Variants in COL22A1 observed in about 807,000 individuals in gnomAD.
The protein encoded by COL22A1 is collagen type XXII alpha 1 chain.
COL22A1 carries 221 observed loss-of-function variants against 248.9 expected under a neutral mutation model. The observed-to-expected ratio is 0.89, with a 90% confidence interval of 0.80 to 0.99. The LOEUF (loss-of-function observed/expected upper bound fraction) is 0.99, where lower values mean the gene tolerates loss of function less well. Among genes scored for constraint, COL22A1 ranks in the 50% least tolerant of loss-of-function variants. The probability of loss-of-function intolerance (pLI) is 0.00; values close to 1 mark genes in which losing one functional copy is unlikely to be tolerated. For synonymous variants in COL22A1, 891 were observed against 793.4 expected, an observed-to-expected ratio of 1.12 and a Z score of -2.07; for missense variants, 2,240 against 2,179.0, an observed-to-expected ratio of 1.03 and a Z score of -0.56.
intron 3 of COL22A1, among the ~76,000 whole-genome samples, chr8:138,865,462 ATG>A (rs199696867): frequency 0.018 from 2,608 of 148,116 alleles, 60 homozygotes; most frequent in African/African-American, 0.06. Context: ...GTGTGAGTGT[ATG>A]TGTGTATCTT....
At chr8:138,716,946 A>C in intron 27 of COL22A1, 77 bp from the exon 28 acceptor site, 1 of 1,079,782 alleles carries the variant, frequency 9.3e-7, no homozygotes, top group Non-Finnish European at 1.4e-6. Context: ...AGTTGTCCTC[A>C]CACATTCATA....
chr8:138,821,483 A>T, intron 6 of COL22A1, 72 bp from the exon 7 acceptor site: 1 of 1,485,416 alleles, frequency 6.7e-7, no homozygotes, highest in Non-Finnish European at 9.3e-7. Flanking sequence ...GGGAAACGGG[A>T]GTTCAGAGTC....
In COL22A1 at chr8:138,602,166, G is replaced by A; in HGVS notation, c.4141-7C>T. ...CAGGCTTCCCAGGGACCCCCTGCAA[G>A]GAGAAAGAAAGGACAGTCATTGCCC... On this transcript the variant is annotated splice_polypyrimidine_tract_variant and splice_region_variant and intron_variant, in intron 59 of 64. Coordinates refer to ENST00000303045, the MANE Select transcript of COL22A1 (RefSeq NM_152888.3). 6.2e-7 allele frequency: 1 copy of A among 1,614,054 alleles called. No homozygotes were observed. The highest frequency in any genetic ancestry group is 1.3e-5 in the African/African-American group (1 of 75,040).
At chr8:138,885,720 C>A (rs1824615112) in intron 1 of COL22A1, among the ~76,000 whole-genome samples, 1 of 152,116 alleles carries the variant, frequency 6.6e-6, no homozygotes, top group South Asian at 2.1e-4. Context: ...TGCGCCACCA[C>A]ACCCGGCTAG....
rs1043952942 is a variant in COL22A1 at position 138,716,234 on chromosome 8, C to T, written c.2456G>A (p.Gly819Glu). 2 of 1,585,180 alleles carry T rather than the reference C, an allele frequency of 1.3e-6. No homozygotes were observed. Among genetic ancestry groups the T allele is most frequent in the Non-Finnish European group, 1.7e-6 (2 of 1,163,398 alleles). Residue 819 changes from glycine (G) to glutamate (E), a missense_variant, in exon 29 of 65, where the codon GGA (glycine) becomes GAA (glutamate). Transcript: ENST00000303045. ...GGAAGCTGCCACACTTACCTGGTCT[C>T]CTTTCTCTCCTCTCACACCTGGGAA... ...PGFPGVRGEK[G>E]DQGEKGELGL...
intron 22 of COL22A1, among the ~76,000 whole-genome samples, chr8:138,747,011 A>C (rs1478417866): frequency 6.6e-6 from 1 of 152,182 alleles, no homozygotes; most frequent in African/African-American, 2.4e-5. Context: ...GAAATGTATG[A>C]GATAGGCCCA....
chr8:138,821,484 G>T, intron 6 of COL22A1, 73 bp from the exon 7 acceptor site: 1 of 1,476,066 alleles, frequency 6.8e-7, no homozygotes, highest in Non-Finnish European at 9.3e-7. Context: ...GGAAACGGGA[G>T]TTCAGAGTCA....
intron 3 of COL22A1, among the ~76,000 whole-genome samples, chr8:138,844,508 G>A (rs78730329): frequency 5.4e-4 from 82 of 152,266 alleles, no homozygotes; most frequent in Non-Finnish European, 9.7e-4. Flanking sequence ...CCTGCTGCTG[G>A]GGGGTTCAGG....
At chr8:138,610,725 G>T (rs1037323047) in intron 56 of COL22A1, among the ~76,000 whole-genome samples, 1 of 152,084 alleles carries the variant, frequency 6.6e-6, no homozygotes, top group Non-Finnish European at 1.5e-5. Flanking sequence ...GCCAGCTGCC[G>T]TCTTCCACCT....
chr8:138,632,512 G>C (rs1429731737), intron 49 of COL22A1, among the ~76,000 whole-genome samples: 1 of 152,152 alleles, frequency 6.6e-6, no homozygotes, highest in African/African-American at 2.4e-5. Flanking sequence ...AAATAAGCAA[G>C]TTCCCGCAGT....
chr8:138,755,017 A>T, intron 21 of COL22A1, 140 bp downstream of exon 21: 1 of 821,118 alleles, frequency 1.2e-6, no homozygotes, highest in Non-Finnish European at 2.0e-6. Context: ...AGACGTGACC[A>T]CAACAGCACA....
intron 63 of COL22A1, among the ~76,000 whole-genome samples, chr8:138,593,707 A>T (rs1426132026): frequency 6.6e-6 from 1 of 152,174 alleles, no homozygotes; most frequent in Non-Finnish European, 1.5e-5. Context: ...CTCAGTGCTA[A>T]ACTCAGTAGG....
chr8:138,831,730 G>A (rs1348103909), intron 5 of COL22A1, among the ~76,000 whole-genome samples: 1 of 152,180 alleles, frequency 6.6e-6, no homozygotes, highest in African/African-American at 2.4e-5. Flanking sequence ...GCAGGACAGG[G>A]CTGGGTCACA....
chr8:138,694,179 G>C (rs963750754), intron 34 of COL22A1, among the ~76,000 whole-genome samples: 1 of 152,216 alleles, frequency 6.6e-6, no homozygotes, highest in African/African-American at 2.4e-5. Flanking sequence ...TGGGAACCAA[G>C]GTGCCCCCTA....
chr8:138,660,853 TAC>T (rs1823792481), intron 43 of COL22A1, among the ~76,000 whole-genome samples: 1 of 126,816 alleles, frequency 7.9e-6, no homozygotes, highest in Admixed American at 7.7e-5. Flanking sequence ...CACACACACA[TAC>T]ACAGACACAC....
intron 23 of COL22A1, among the ~76,000 whole-genome samples, chr8:138,731,706 C>T (rs1055775141): frequency 1.3e-5 from 2 of 152,110 alleles, no homozygotes; most frequent in Non-Finnish European, 2.9e-5. Context: ...GAGTGCTGGT[C>T]TACCCGTGCT....
At chr8:138,897,393 A>G (rs1825496818) in intron 1 of COL22A1, among the ~76,000 whole-genome samples, 7 of 152,142 alleles carry the variant, frequency 4.6e-5, no homozygotes, top group Middle Eastern at 3.4e-3. Context: ...TTAAAAAAAT[A>G]CAAACATTAG....
intron 1 of COL22A1, among the ~76,000 whole-genome samples, chr8:138,896,964 C>G (rs978004553): frequency 9.0e-5 from 10 of 111,064 alleles, no homozygotes; most frequent in Non-Finnish European, 2.1e-4. Context: ...CAGAGAGAGA[C>G]TCTTTCTCAA....
chr8:138,741,075 G>A (rs1831519913), intron 22 of COL22A1, among the ~76,000 whole-genome samples: 1 of 152,188 alleles, frequency 6.6e-6, no homozygotes, highest in Non-Finnish European at 1.5e-5. Flanking sequence ...TCCTAAGCAA[G>A]AGCCCAAATG....
Sources: allele counts gnomAD v4.1 joint callset (sites outside exome capture counted in the v4.1 genomes callset), GRCh38; gene constraint gnomAD v4.1.1; transcripts MANE v1.5; gene names NCBI Gene and HGNC (gene_info 2026-07-23, HGNC 2026-07-21).